Variants in BMP6 observed in about 807,000 individuals in gnomAD.
BMP6 encodes the protein bone morphogenetic protein 6.
BMP6 carries 17 observed loss-of-function variants against 54.1 expected under a neutral mutation model. That is an observed-to-expected ratio of 0.31 (90% confidence interval 0.22 to 0.47). BMP6 has a LOEUF of 0.47. BMP6 is among the 20% of genes least tolerant of loss of function. The pLI is 1.00. For missense variants in BMP6, 720 were observed against 690.4 expected, an observed-to-expected ratio of 1.04 and a Z score of -0.48; for synonymous variants, 328 against 291.2, an observed-to-expected ratio of 1.13 and a Z score of -1.28.
intron 2 of BMP6, among the ~76,000 whole-genome samples, chr6:7,852,104 A>T (rs6597287): frequency 5.4e-4 from 82 of 152,318 alleles, no homozygotes; most frequent in Non-Finnish European, 9.6e-4. Context: ...TTAAGAAAAA[A>T]GTTCTAGATA....
At chr6:7,879,268 G>A in intron 5 of BMP6, 118 bp downstream of exon 5, 1 of 1,100,162 alleles carries the variant, frequency 9.1e-7, no homozygotes, top group South Asian at 1.4e-5. Flanking sequence ...GCTTCCTTCT[G>A]TGGAAGTCCT....
chr6:7,751,471 A>C (rs1757424174), intron 1 of BMP6, among the ~76,000 whole-genome samples: 2 of 152,224 alleles, frequency 1.3e-5, no homozygotes, highest in African/African-American at 4.8e-5. Context: ...TAGCCCATGC[A>C]CCTGAATTTC....
intron 1 of BMP6, among the ~76,000 whole-genome samples, chr6:7,780,709 G>GTTATTA (rs10665058): frequency 0.5 from 75,747 of 151,098 alleles, 19,516 homozygotes; most frequent in Admixed American, 0.6. Context: ...TTATTTTATT[G>GTTATTA]TTATTATTAT....
intron 1 of BMP6, among the ~76,000 whole-genome samples, chr6:7,768,635 C>CTG (rs1757729596): frequency 6.6e-6 from 1 of 152,190 alleles, no homozygotes; most frequent in East Asian, 1.9e-4. Flanking sequence ...TTCTTATTGA[C>CTG]TGTAGTGGTT....
intron 1 of BMP6, among the ~76,000 whole-genome samples, chr6:7,735,051 G>T (rs949859489): frequency 2.0e-5 from 3 of 152,206 alleles, no homozygotes; most frequent in Non-Finnish European, 4.4e-5. Context: ...TCACCAAAGA[G>T]CTCAGCTGGC....
chr6:7,849,837 C>T (rs975066451), intron 2 of BMP6, among the ~76,000 whole-genome samples: 16 of 152,164 alleles, frequency 1.1e-4, no homozygotes, highest in African/African-American at 3.4e-4. Context: ...TTGGCATTTG[C>T]ATTGCTCGGC....
At chr6:7,807,310 T>G (rs1758361121) in intron 1 of BMP6, among the ~76,000 whole-genome samples, 1 of 152,204 alleles carries the variant, frequency 6.6e-6, no homozygotes, top group Non-Finnish European at 1.5e-5. Context: ...TTTGTTTGTT[T>G]GAGACAGATT....
intron 1 of BMP6, among the ~76,000 whole-genome samples, chr6:7,805,845 T>A (rs928824930): frequency 1.4e-4 from 21 of 152,216 alleles, no homozygotes; most frequent in Non-Finnish European, 3.1e-4. Flanking sequence ...AAATATGCCA[T>A]GATTTGAAAA....
rs1251727889 is a variant in BMP6 at position 7,880,515 on chromosome 6, A to C, written c.*172A>C. The C allele has an allele frequency of 1.5e-5, 14 of 903,712 alleles. No individual in the cohort carries two copies. The highest frequency in any genetic ancestry group is 2.0e-5 in the Non-Finnish European group (12 of 603,280). 56.0% of individuals were successfully genotyped at this position (903,712 alleles called of 1,614,324 possible). On this transcript the variant is annotated 3_prime_UTR_variant, in exon 7 of 7. Transcript: ENST00000283147. ...AAAGGACCTCATTAATAATTTGCTC[A>C]CTTGGTAAATGACGTGAGTAGTTGT... is the stretch of plus-strand genomic sequence containing the variant.
At chr6:7,750,922 A>G (rs963276985) in intron 1 of BMP6, among the ~76,000 whole-genome samples, 1 of 152,174 alleles carries the variant, frequency 6.6e-6, no homozygotes, top group Non-Finnish European at 1.5e-5. Context: ...CTGTATTAGC[A>G]GTGATGTTGG....
chr6:7,739,887 T>C (rs1762016604), intron 1 of BMP6, among the ~76,000 whole-genome samples: 1 of 152,204 alleles, frequency 6.6e-6, no homozygotes, highest in South Asian at 2.1e-4. Flanking sequence ...TTAGCGCTTC[T>C]AAAAAATCCT....
At chr6:7,739,653 A>G (rs1762012972) in intron 1 of BMP6, among the ~76,000 whole-genome samples, 1 of 116,614 alleles carries the variant, frequency 8.6e-6, no homozygotes, top group Middle Eastern at 3.9e-3. Flanking sequence ...CCAGTCATGT[A>G]ATAGAACAGT....
chr6:7,749,334 T>C (rs568094299), intron 1 of BMP6, among the ~76,000 whole-genome samples: 1 of 152,350 alleles, frequency 6.6e-6, no homozygotes, highest in East Asian at 1.9e-4. Context: ...AAAAGTCAGA[T>C]CAACCTCTCT....
intron 2 of BMP6, among the ~76,000 whole-genome samples, chr6:7,859,685 C>G (rs996060466): frequency 3.9e-5 from 6 of 152,062 alleles, no homozygotes; most frequent in Admixed American, 2.6e-4. Flanking sequence ...CCGCACCCCC[C>G]GCAATCTCCC....
At chr6:7,815,524 C>G (rs1464061647) in intron 1 of BMP6, among the ~76,000 whole-genome samples, 2 of 152,280 alleles carry the variant, frequency 1.3e-5, no homozygotes, top group East Asian at 1.9e-4. Flanking sequence ...CCTACTGTTA[C>G]TTTTGCTAAG....
intron 2 of BMP6, among the ~76,000 whole-genome samples, chr6:7,860,222 CCAAA>C (rs1323709758): frequency 6.6e-6 from 1 of 152,084 alleles, no homozygotes; most frequent in Admixed American, 6.5e-5. Flanking sequence ...GGTGTAAGGA[CCAAA>C]CAAAGAGAAG....
intron 1 of BMP6, among the ~76,000 whole-genome samples, chr6:7,787,072 C>T (rs1758030815): frequency 6.6e-6 from 1 of 152,136 alleles, no homozygotes; most frequent in African/African-American, 2.4e-5. Context: ...AGTTTCTTTT[C>T]CAATAATCTT....
At chr6:7,740,057 A>G (rs757265021) in intron 1 of BMP6, among the ~76,000 whole-genome samples, 28 of 152,194 alleles carry the variant, frequency 1.8e-4, no homozygotes, top group Non-Finnish European at 3.5e-4. Context: ...GGACACAGGC[A>G]GGGAGCTGGG....
chr6:7,865,481 G>C (rs1416234988), intron 4 of BMP6, among the ~76,000 whole-genome samples: 3 of 152,182 alleles, frequency 2.0e-5, no homozygotes, highest in Non-Finnish European at 4.4e-5. Flanking sequence ...GCCCACTGAA[G>C]CGCTTCTTTA....
Sources: gnomAD v4.1 joint callset for allele counts (sites outside exome capture counted in the v4.1 genomes callset) on GRCh38, gnomAD v4.1.1 for gene constraint, MANE v1.5 for transcripts, NCBI Gene and HGNC (gene_info 2026-07-23, HGNC 2026-07-21) for gene names.